The following PALS2 variants were observed in gnomAD, a reference collection of about 807,000 sequenced individuals.
PALS2 encodes protein PALS2.
PALS2 carries 27 observed loss-of-function variants against 61.6 expected under a neutral mutation model. The observed-to-expected ratio is 0.44, with a 90% CI of 0.32 to 0.60. The LOEUF (loss-of-function observed/expected upper bound fraction) is 0.60, where lower values mean the gene tolerates loss of function less well. Ranked by LOEUF, PALS2 falls within the 20% of genes least tolerant of loss-of-function variation. PALS2 has a pLI of 0.05. For synonymous variants in PALS2, 236 were observed against 218.6 expected (o/e 1.08, Z -0.70); for missense variants, 554 against 639.4 (o/e 0.87, Z 1.44).
intron 9 of PALS2, 34 bp from the exon 10 acceptor site, chr7:24,679,097 C>G: frequency 6.3e-7 from 1 of 1,595,206 alleles, no homozygotes. Flanking sequence ...CCTAAAATTT[C>G]TTTGTACAAA....
At chr7:24,580,728 G>A (rs1782809586) in intron 1 of PALS2, among the ~76,000 whole-genome samples, 1 of 152,178 alleles carries the variant, frequency 6.6e-6, no homozygotes, top group African/African-American at 2.4e-5. Context: ...TCGTTCACAT[G>A]AGCCTTGAAC....
At chr7:24,619,579 G>A (rs889211148) in intron 1 of PALS2, among the ~76,000 whole-genome samples, 10 of 152,028 alleles carry the variant, frequency 6.6e-5, no homozygotes, top group East Asian at 1.9e-4. Context: ...TTAGCTGGCC[G>A]TGGTGGTGGG....
At chr7:24,659,127 A>T (rs923879591) in intron 5 of PALS2, among the ~76,000 whole-genome samples, 2 of 152,186 alleles carry the variant, frequency 1.3e-5, no homozygotes, top group Admixed American at 6.5e-5. Flanking sequence ...TTCCTGCATT[A>T]ATTGGCTTAA....
chr7:24,593,121 C>T (rs1230710654), intron 1 of PALS2, among the ~76,000 whole-genome samples: 1 of 152,120 alleles, frequency 6.6e-6, no homozygotes, highest in Non-Finnish European at 1.5e-5. Flanking sequence ...TCTTTGTTGT[C>T]ATTTCAGCAA....
At chr7:24,675,215 A>G (rs959962993) in intron 9 of PALS2, among the ~76,000 whole-genome samples, 3 of 152,088 alleles carry the variant, frequency 2.0e-5, no homozygotes, top group Admixed American at 6.6e-5. Context: ...ATACATATTT[A>G]TTTCAAGCAG....
At chr7:24,633,018 T>G (rs1275720491) in intron 2 of PALS2, among the ~76,000 whole-genome samples, 3 of 152,202 alleles carry the variant, frequency 2.0e-5, no homozygotes, top group African/African-American at 7.2e-5. Flanking sequence ...TAACACTGTT[T>G]CCTGTCCCAT....
At chr7:24,665,561 A>G in intron 6 of PALS2, 27 bp from the exon 7 acceptor site, 5 of 1,597,456 alleles carry the variant, frequency 3.1e-6, no homozygotes, top group Non-Finnish European at 4.3e-6. Flanking sequence ...GGTCACTGAG[A>G]TGTACAATTC....
chr7:24,655,222 C>T lies in PALS2; in HGVS notation c.651+4510C>T, dbSNP rs771469789. ...ACATATATCAAGCTGCAGTAATTCC[C>T]TAGAGCAATTCTTACGTATGTACAG... On this transcript the variant is annotated intron_variant, in intron 5 of 11. Transcript: ENST00000222644. Among the ~76,000 whole-genome samples, 38 of 152,166 alleles carry T rather than the reference C, an allele frequency of 2.5e-4. 1 individual carries two copies. The highest frequency in any genetic ancestry group is 4.7e-4 in the Non-Finnish European group (32 of 68,026).
chr7:24,691,602 G>T lies in PALS2; in HGVS notation c.*3988G>T, dbSNP rs958472202. On this transcript the variant is annotated 3_prime_UTR_variant, in exon 12 of 12. Transcript: ENST00000222644. The stretch of plus-strand genomic sequence containing the variant: ...TTTTAGATTGTTTTAAAACGCTCTG[G>T]TTCCACCTTGAAGCTGATAATCTTT... 6.6e-6 allele frequency: 1 copy of T among 151,004 alleles called. No individual in the cohort carries two copies. The highest frequency in any genetic ancestry group is 1.5e-5 in the Non-Finnish European group (1 of 67,734). The allele number at this position is 151,004 out of a possible 1,614,324, so 9.4% of individuals were successfully genotyped here.
At chr7:24,644,100 T>TC (rs572610467) in intron 3 of PALS2, among the ~76,000 whole-genome samples, 74 of 151,868 alleles carry the variant, frequency 4.9e-4, no homozygotes, top group African/African-American at 1.6e-3. Context: ...TTTTTCTTTT[T>TC]TTTTTTTTTT....
chr7:24,670,144 C>T (rs1562655572), intron 9 of PALS2, among the ~76,000 whole-genome samples: 1 of 152,142 alleles, frequency 6.6e-6, no homozygotes, highest in Non-Finnish European at 1.5e-5. Context: ...TCCTGACTGT[C>T]CTTCCAATAT....
intron 1 of PALS2, among the ~76,000 whole-genome samples, chr7:24,608,066 T>C (rs11978058): frequency 0.093 from 14,100 of 152,138 alleles, 1,712 homozygotes; most frequent in African/African-American, 0.27. Context: ...TACATACACA[T>C]ATTTATATAC....
Position 24,665,678 on chromosome 7 carries a change from G to C in PALS2, c.874G>C (p.Asp292His). 6.2e-7 allele frequency: 1 copy of C among 1,613,394 alleles called. No homozygotes were observed. Among genetic ancestry groups the C allele is most frequent in the Non-Finnish European group, 8.5e-7 (1 of 1,179,402 alleles). ...KRKAFVRRDW[D>H]NSGPFCGTIS... ...AAAGGCATTTGTTAGAAGAGACTGG[G>C]ACAATTCAGGTGATGAGCTCGACAC... Residue 292 changes from aspartate (D) to histidine (H), a missense_variant, in exon 7 of 12, where the codon GAC becomes CAC. Physicochemically the swap from Asp to His is moderately conservative, Grantham distance 81. Coordinates refer to ENST00000222644, the MANE Select transcript of PALS2 (RefSeq NM_001303037.2).
chr7:24,586,734 C>T (rs1337178512), intron 1 of PALS2, among the ~76,000 whole-genome samples: 1 of 151,978 alleles, frequency 6.6e-6, no homozygotes, highest in Non-Finnish European at 1.5e-5. Context: ...TAGTCTTACG[C>T]CTAGTAGATT....
Position 24,650,716 on chromosome 7 carries a change from AGTAATAAAATTTTTG to A in PALS2, c.651+8_651+22del, listed in dbSNP as rs1167276452. Reference sequence around the variant, plus strand: ...AGATACCATTACTCCTCAACAGGTTAGTAATAAAATTTTTGGTAGTATTAAAAATACTTTCATGTT... The same window carrying A: ...AGATACCATTACTCCTCAACAGGTTAGTAGTATTAAAAATACTTTCATGTT... On this transcript the variant is annotated splice_donor_5th_base_variant and intron_variant, in intron 5 of 11. Transcript: ENST00000222644. 1 of 1,513,138 alleles carries A rather than the reference AGTAATAAAATTTTTG, an allele frequency of 6.6e-7. No homozygotes were observed. Among genetic ancestry groups the A allele is most frequent in the East Asian group, 2.3e-5 (1 of 43,622 alleles). The allele number at this position is 1,513,138 out of a possible 1,614,324, so 93.7% of individuals were successfully genotyped here.
In PALS2 at chr7:24,618,081, T is replaced by C. The variant is rs75058191; in HGVS notation, c.-2-5585T>C. 0.063 allele frequency among the ~76,000 whole-genome samples: 9,593 copies of C among 152,136 alleles called. 352 individuals carry two copies. Among genetic ancestry groups the C allele is most frequent in the African/African-American group, 0.093 (3,849 of 41,464 alleles). ...GTGTAGGTGCCAATGTGGAGCCAGT[T>C]CAAGGACATCTTCACCAGAGGCTAG... is the stretch of plus-strand genomic sequence containing the variant. On this transcript the variant is annotated intron_variant, in intron 1 of 11. Transcript: ENST00000222644. This position sits in a 1 kb window ranked among gnomAD's most constrained non-coding sequence, Gnocchi z 5.1.
chr7:24,682,238 G>T (rs1331475585), intron 11 of PALS2, among the ~76,000 whole-genome samples: 1 of 151,976 alleles, frequency 6.6e-6, no homozygotes, highest in Non-Finnish European at 1.5e-5. Flanking sequence ...GAGATTTTCT[G>T]TTCTGGCTAA....
rs994961153 is a variant in PALS2 at position 24,655,909 on chromosome 7, C to T, written c.651+5197C>T. Among the ~76,000 whole-genome samples, 41 of 152,182 alleles carry T rather than the reference C, an allele frequency of 2.7e-4. 1 individual carries two copies. The highest frequency in any genetic ancestry group is 9.6e-4 in the African/African-American group (40 of 41,536). ...CCCTCAGGTATTTATCAGAAAGGAA[C>T]GTGGATTGCCCTTCAAAACTTTTTT... On this transcript the variant is annotated intron_variant, in intron 5 of 11. Transcript: ENST00000222644.
chr7:24,597,079 T>C (rs1234510981), intron 1 of PALS2: 1 of 152,154 alleles, frequency 6.6e-6, no homozygotes, highest in Non-Finnish European at 1.5e-5. Flanking sequence ...AGGTAGAATC[T>C]GTAGTCGCAG....
Sources: gnomAD v4.1 joint callset for allele counts (sites outside exome capture counted in the v4.1 genomes callset) on GRCh38, gnomAD v4.1.1 for gene constraint, Gnocchi (gnomAD v3.1) non-coding constraint, MANE v1.5 for transcripts, NCBI Gene and HGNC (gene_info 2026-07-23, HGNC 2026-07-21) for gene names.